Variants in MYO16 observed in about 807,000 individuals in gnomAD.
The protein encoded by MYO16 is unconventional myosin-XVI.
Under a neutral mutation model 205.3 loss-of-function variants are expected in MYO16, and 94 were observed. That is an observed-to-expected ratio of 0.46 (90% confidence interval 0.39 to 0.54). The LOEUF is 0.54. Ranked by LOEUF, MYO16 falls within the 20% of genes least tolerant of loss-of-function variation. The probability of loss-of-function intolerance (pLI) is 0.00; values close to 1 mark genes in which losing one functional copy is unlikely to be tolerated. For synonymous variants in MYO16, 988 were observed against 954.0 expected, an observed-to-expected ratio of 1.04 and a Z score of -0.66; for missense variants, 2,315 against 2,387.5, an observed-to-expected ratio of 0.97 and a Z score of 0.63.
At chr13:108,762,714 C>T (rs9514899) in intron 4 of MYO16, among the ~76,000 whole-genome samples, 79,435 of 151,950 alleles carry the variant, frequency 0.52, 21,331 homozygotes, top group East Asian at 0.63. Flanking sequence ...AAAAATGCAA[C>T]TACATTCTGG....
intron 22 of MYO16, among the ~76,000 whole-genome samples, chr13:109,017,205 A>G (rs1344488848): frequency 1.3e-5 from 2 of 152,128 alleles, no homozygotes; most frequent in African/African-American, 4.8e-5. Flanking sequence ...AAAGGATTTT[A>G]TTTCTCCTTC....
chr13:109,054,338 A>G (rs1448027781), intron 25 of MYO16: 5 of 392,052 alleles, frequency 1.3e-5, no homozygotes, highest in African/African-American at 8.5e-5. Context: ...CTTAGTAGTT[A>G]TAAAACGAGG....
chr13:109,049,030 G>T (rs185224401), intron 24 of MYO16: 1 of 145,114 alleles, frequency 6.9e-6, no homozygotes, highest in Non-Finnish European at 1.5e-5. Flanking sequence ...GAAAATTTTA[G>T]GATTTAGGAA....
intron 12 of MYO16, among the ~76,000 whole-genome samples, chr13:108,880,434 G>A (rs1879555931): frequency 6.6e-6 from 1 of 152,146 alleles, no homozygotes; most frequent in South Asian, 2.1e-4. Flanking sequence ...TGAAGTCTTT[G>A]CCCATGCCTA....
intron 32 of MYO16, among the ~76,000 whole-genome samples, chr13:109,155,374 C>T (rs1336239213): frequency 6.6e-6 from 1 of 152,154 alleles, no homozygotes; most frequent in African/African-American, 2.4e-5. Context: ...TTTCGATCTA[C>T]TCCAGGGTGG....
intron 2 of MYO16, among the ~76,000 whole-genome samples, chr13:108,675,423 T>C (rs578183173): frequency 6.6e-6 from 1 of 152,350 alleles, no homozygotes; most frequent in East Asian, 1.9e-4. Context: ...ATTAATTGCA[T>C]TTAAATTCTG....
At chr13:108,789,703 C>T (rs973871802) in intron 5 of MYO16, among the ~76,000 whole-genome samples, 1 of 152,128 alleles carries the variant, frequency 6.6e-6, no homozygotes, top group Admixed American at 6.5e-5. Flanking sequence ...TCTTAGAACA[C>T]TTATTATGAA....
chr13:108,979,566 TAG>T (rs1321896151), intron 20 of MYO16, among the ~76,000 whole-genome samples: 1 of 152,088 alleles, frequency 6.6e-6, no homozygotes, highest in African/African-American at 2.4e-5. Context: ...TATTTCTGTG[TAG>T]ACTTATTTAA....
intron 16 of MYO16, among the ~76,000 whole-genome samples, chr13:108,948,231 G>A (rs1883008172): frequency 6.6e-6 from 1 of 152,094 alleles, no homozygotes; most frequent in African/African-American, 2.4e-5. Context: ...GTTTAATTTT[G>A]CCTTATTTGG....
At chr13:109,041,250 C>T (rs1439138748) in intron 23 of MYO16, among the ~76,000 whole-genome samples, 1 of 152,096 alleles carries the variant, frequency 6.6e-6, no homozygotes, top group Non-Finnish European at 1.5e-5. Flanking sequence ...GATTTGAAGA[C>T]AATATAGTGT....
chr13:108,759,432 A>G (rs1318070630), intron 4 of MYO16, among the ~76,000 whole-genome samples: 3 of 152,214 alleles, frequency 2.0e-5, no homozygotes, highest in Admixed American at 6.5e-5. Flanking sequence ...GCAAGTTAAG[A>G]CGTGACTCAG....
At chr13:109,154,959 G>GA (rs2139846170) in intron 32 of MYO16, among the ~76,000 whole-genome samples, 1 of 123,466 alleles carries the variant, frequency 8.1e-6, no homozygotes, top group South Asian at 2.7e-4. Flanking sequence ...ACAAGAAAAG[G>GA]AAAGGGATTG....
chr13:108,705,940 C>T (rs943105591), intron 2 of MYO16, among the ~76,000 whole-genome samples: 5 of 152,070 alleles, frequency 3.3e-5, no homozygotes, highest in Non-Finnish European at 7.4e-5. Flanking sequence ...TTCATAAATG[C>T]TTTTAAAAAT....
chr13:108,589,585 C>T, the MYO16 span, among the ~76,000 whole-genome samples: 66 of 152,120 alleles, frequency 4.3e-4, no homozygotes, highest in Non-Finnish European at 8.5e-4. Context: ...AAGAAAATGA[C>T]ATCTGATGCC....
intron 1 of MYO16, among the ~76,000 whole-genome samples, chr13:108,650,347 G>T (rs1356920036): frequency 6.6e-6 from 1 of 152,150 alleles, no homozygotes; most frequent in African/African-American, 2.4e-5. Context: ...TTCAGACTCA[G>T]ACTAAAGGCA....
chr13:108,989,746 G>T (rs374205266), intron 20 of MYO16, among the ~76,000 whole-genome samples: 1 of 151,992 alleles, frequency 6.6e-6, no homozygotes, highest in Non-Finnish European at 1.5e-5. Flanking sequence ...TTTGAGGAAG[G>T]CTCTACCGAT....
chr13:109,156,031 AG>A (rs1878001945), intron 32 of MYO16, among the ~76,000 whole-genome samples: 1 of 152,226 alleles, frequency 6.6e-6, no homozygotes, highest in South Asian at 2.1e-4. Context: ...AGTAGGATGC[AG>A]GTCGACTTGA....
intron 1 of MYO16, among the ~76,000 whole-genome samples, chr13:108,642,476 T>G (rs1411372669): frequency 6.6e-6 from 1 of 152,202 alleles, no homozygotes; most frequent in Non-Finnish European, 1.5e-5. Context: ...GAAGTCTCGC[T>G]CTGTCACCCA....
intron 11 of MYO16, among the ~76,000 whole-genome samples, chr13:108,860,061 C>T (rs2139111666): frequency 6.6e-6 from 1 of 151,452 alleles, no homozygotes; most frequent in East Asian, 2.0e-4. Context: ...GTTTGTTATA[C>T]AGGTAAACAC....
Sources: allele counts gnomAD v4.1 joint callset (sites outside exome capture counted in the v4.1 genomes callset), GRCh38; gene constraint gnomAD v4.1.1; transcripts MANE v1.5; gene names NCBI Gene and HGNC (gene_info 2026-07-23, HGNC 2026-07-21).